KIAA0586: variants seen among roughly 807,000 people sequenced by gnomAD.
The protein encoded by KIAA0586 is KIAA0586, also known as protein TALPID3.
In KIAA0586, 144 loss-of-function variants were observed where a neutral mutation model predicts 169.8. The ratio of observed to expected loss-of-function variants is 0.85; its 90% CI spans 0.74 to 0.97. The LOEUF is 0.97. KIAA0586 is among the 50% of genes least tolerant of loss of function. KIAA0586 has a pLI of 0.00. For synonymous variants in KIAA0586, 625 were observed against 612.4 expected, an observed-to-expected ratio of 1.02 and a Z score of -0.30; for missense variants, 1,854 against 1,823.0, an observed-to-expected ratio of 1.02 and a Z score of -0.31.
At chr14:58,536,548 A>G (rs35075109) in intron 29 of KIAA0586, among the ~76,000 whole-genome samples, 6,312 of 152,308 alleles carry the variant, frequency 0.041, 150 homozygotes, top group Middle Eastern at 0.065. Flanking sequence ...TACACTAACT[A>G]TAACATGGTT....
intron 26 of KIAA0586, among the ~76,000 whole-genome samples, chr14:58,497,238 G>A (rs1364213141): frequency 6.6e-6 from 1 of 152,024 alleles, no homozygotes; most frequent in African/African-American, 2.4e-5. Flanking sequence ...CTCCCAAAGT[G>A]CTGAGATTAC....
intron 27 of KIAA0586, among the ~76,000 whole-genome samples, chr14:58,502,517 T>C (rs963413117): frequency 1.2e-4 from 19 of 152,142 alleles, no homozygotes; most frequent in Non-Finnish European, 2.5e-4. Context: ...CACAGACCAA[T>C]CATGGAACAA....
intron 4 of KIAA0586, among the ~76,000 whole-genome samples, chr14:58,440,388 A>G (rs1026210664): frequency 5.9e-5 from 9 of 151,370 alleles, no homozygotes; most frequent in East Asian, 3.9e-4. Flanking sequence ...CTGGAATGCA[A>G]TGGTGTGATC....
At chr14:58,460,101 T>C in intron 13 of KIAA0586, 31 bp downstream of exon 13, 2 of 1,238,020 alleles carry the variant, frequency 1.6e-6, no homozygotes, top group South Asian at 1.4e-5. Flanking sequence ...TTTAACATAA[T>C]TGTTGTGTTA....
At chr14:58,532,169 A>T (rs560724694) in intron 29 of KIAA0586, among the ~76,000 whole-genome samples, 43 of 152,102 alleles carry the variant, frequency 2.8e-4, no homozygotes, top group African/African-American at 1.0e-3. Context: ...TGTATCCCAG[A>T]ACTTAATGTG....
the KIAA0586 span, among the ~76,000 whole-genome samples, chr14:58,559,083 A>G: frequency 6.6e-6 from 1 of 152,232 alleles, no homozygotes; most frequent in Admixed American, 6.5e-5. Context: ...TTGGAAGGAC[A>G]TGAATCCTAA....
Position 58,436,873 on chromosome 14 carries a change from C to A in KIAA0586, c.410+4416C>A, listed in dbSNP as rs193260105. ...AAGAATCTGGCTAGAGTGTCTAGAA[C>A]AACGGGAGAACTCCCTTGTGTGTGA... is the stretch of plus-strand genomic sequence containing the variant. On this transcript the variant is annotated intron_variant, in intron 4 of 30. Coordinates refer to ENST00000652326, the MANE Select transcript of KIAA0586 (RefSeq NM_001329943.3). Among the ~76,000 whole-genome samples the A allele has an allele frequency of 2.8e-3, 429 of 152,258 alleles. 4 individuals carry two copies. Among genetic ancestry groups the A allele is most frequent in the African/African-American group, 9.9e-3 (410 of 41,548 alleles).
rs1246289291 is a variant in KIAA0586 at position 58,550,318 on chromosome 14, A to G, written c.*2386A>G. ...CGGCATTCATCTAGTATTTTGTTTT[A>G]TAGGATTATTTCTGTTCATGGTTAC... On this transcript the variant is annotated 3_prime_UTR_variant, in exon 31 of 31. Transcript: ENST00000652326. 6.6e-6 allele frequency: 1 copy of G among 151,904 alleles called. No homozygotes were observed. The highest frequency in any genetic ancestry group is 2.4e-5 in the African/African-American group (1 of 41,340). 9.4% of individuals were successfully genotyped at this position (151,904 alleles called of 1,614,324 possible). A position where few individuals can be genotyped will look rare whatever the true frequency, so the allele number is the denominator to read the frequency against.
intron 29 of KIAA0586, among the ~76,000 whole-genome samples, chr14:58,528,571 C>A (rs1209573948): frequency 6.6e-6 from 1 of 152,224 alleles, no homozygotes; most frequent in African/African-American, 2.4e-5. Flanking sequence ...GGCACAACTA[C>A]ATGGAAACTG....
chr14:58,471,067 A>T (rs2041179888), intron 17 of KIAA0586, among the ~76,000 whole-genome samples: 1 of 152,034 alleles, frequency 6.6e-6, no homozygotes, highest in African/African-American at 2.4e-5. Flanking sequence ...GGCCAGGCTG[A>T]TCTTGAACTC....
In KIAA0586 at chr14:58,543,932, G is replaced by A. The variant is rs780733329; in HGVS notation, c.4495+3796G>A. ...TTTCCTGTATAGGTAAACTCGGGCT[G>A]TGGAGGTTTGTCATACAGATTATTT... On this transcript the variant is annotated intron_variant, in intron 30 of 30. Transcript: ENST00000652326. The A allele has an allele frequency of 7.9e-5, 36 of 455,876 alleles. No individual in the cohort carries two copies. The highest frequency in any genetic ancestry group is 2.1e-4 in the East Asian group (3 of 14,370). The allele number at this position is 455,876 out of a possible 1,614,324, so 28.2% of individuals were successfully genotyped here. A position where few individuals can be genotyped will look rare whatever the true frequency, so the allele number is the denominator to read the frequency against.
chr14:58,494,618 T>A (rs997784694), intron 26 of KIAA0586, among the ~76,000 whole-genome samples: 1 of 152,122 alleles, frequency 6.6e-6, no homozygotes, highest in Middle Eastern at 3.2e-3. Context: ...AGAACCACCC[T>A]TGGTCACTGT....
At chr14:58,516,379 A>T (rs796405675) in intron 29 of KIAA0586, among the ~76,000 whole-genome samples, 30 of 152,332 alleles carry the variant, frequency 2.0e-4, no homozygotes, top group African/African-American at 7.0e-4. Flanking sequence ...GGTATAGGTG[A>T]AAACCTATTT....
Position 58,508,721 on chromosome 14 carries a change from A to G in KIAA0586, c.4323+12A>G, listed in dbSNP as rs1293245703. On this transcript the variant is annotated intron_variant, in intron 28 of 30. Transcript: ENST00000652326. ...AAGATTTTTCCCAGGTACCAAATTA[A>G]TAGCACTTGTATTTTACTTAAAATG... 6.4e-7 allele frequency: 1 copy of G among 1,564,746 alleles called. No individual in the cohort carries two copies. The highest frequency in any genetic ancestry group is 1.4e-5 in the African/African-American group (1 of 74,006).
intron 7 of KIAA0586, among the ~76,000 whole-genome samples, chr14:58,449,879 GAAAAT>G (rs1314156865): frequency 6.6e-6 from 1 of 152,020 alleles, no homozygotes; most frequent in African/African-American, 2.4e-5. Context: ...ACAAATAAAA[GAAAAT>G]AAAGAGTAAA....
chr14:58,431,719 C>T (rs1318026603), intron 3 of KIAA0586, among the ~76,000 whole-genome samples: 1 of 152,126 alleles, frequency 6.6e-6, no homozygotes, highest in Non-Finnish European at 1.5e-5. Flanking sequence ...ATGTTTTCCA[C>T]TTATTTGTGT....
chr14:58,526,488 C>T (rs1313217998), intron 29 of KIAA0586, among the ~76,000 whole-genome samples: 1 of 152,184 alleles, frequency 6.6e-6, no homozygotes, highest in Non-Finnish European at 1.5e-5. Context: ...AGAAGGAAAA[C>T]TAACAGAAAG....
intron 18 of KIAA0586, among the ~76,000 whole-genome samples, chr14:58,472,993 C>T (rs1263589872): frequency 1.4e-5 from 2 of 145,766 alleles, no homozygotes; most frequent in African/African-American, 2.5e-5. Flanking sequence ...AGACAGGGAC[C>T]TTATTTATTT....
intron 27 of KIAA0586, among the ~76,000 whole-genome samples, chr14:58,505,971 G>A (rs1217658713): frequency 6.6e-6 from 1 of 151,990 alleles, no homozygotes; most frequent in Admixed American, 6.6e-5. Context: ...TTGCTATACT[G>A]TAGGAAAAAG....
Sources: allele counts gnomAD v4.1 joint callset (sites outside exome capture counted in the v4.1 genomes callset), GRCh38; gene constraint gnomAD v4.1.1; transcripts MANE v1.5; gene names NCBI Gene and HGNC (gene_info 2026-07-23, HGNC 2026-07-21).